CMTM8: variants seen among roughly 807,000 people sequenced by gnomAD.
CMTM8 encodes CKLF like MARVEL transmembrane domain containing 8.
Under a neutral mutation model 18.6 loss-of-function variants are expected in CMTM8, and 12 were observed. The ratio of observed to expected loss-of-function variants is 0.65; its 90% CI spans 0.41 to 1.05. CMTM8 has a LOEUF of 1.05. CMTM8 is among the 50% of genes least tolerant of loss of function. CMTM8 has a pLI of 0.00. For synonymous variants in CMTM8, 87 were observed against 90.6 expected (o/e 0.96, Z 0.23); for missense variants, 217 against 227.2 (o/e 0.95, Z 0.29).
At chr3:32,312,550 C>T (rs1374210179) in intron 1 of CMTM8, among the ~76,000 whole-genome samples, 3 of 152,158 alleles carry the variant, frequency 2.0e-5, no homozygotes, top group African/African-American at 4.8e-5. Flanking sequence ...AGTTGGGGGT[C>T]ACCACCCTCC....
intron 1 of CMTM8, among the ~76,000 whole-genome samples, chr3:32,254,979 T>G (rs968831656): frequency 6.6e-6 from 1 of 152,234 alleles, no homozygotes; most frequent in Non-Finnish European, 1.5e-5. Context: ...TTTGCCTATT[T>G]TGGACATTTC....
intron 1 of CMTM8, among the ~76,000 whole-genome samples, chr3:32,316,270 G>A (rs905019364): frequency 9.2e-5 from 14 of 151,542 alleles, no homozygotes; most frequent in Non-Finnish European, 1.8e-4. Context: ...CTCGTGATCC[G>A]CCTGCCTCAG....
chr3:32,358,858 A>C lies in CMTM8; in HGVS notation c.321+1312A>C, dbSNP rs989670350. Among the ~76,000 whole-genome samples, 1 of 152,250 alleles carries C rather than the reference A, an allele frequency of 6.6e-6. No individual in the cohort carries two copies. The highest frequency in any genetic ancestry group is 2.4e-5 in the African/African-American group (1 of 41,468). On this transcript the variant is annotated intron_variant, in intron 2 of 3. Transcript: ENST00000307526. This position sits in a 1 kb window ranked among gnomAD's most constrained non-coding sequence, Gnocchi z 4.1. ...TGCCTCAGATGGGCATCAGGAGGGA[A>C]AGACTCGCTTAGATGCTAGATTCAA...
At chr3:32,325,444 C>T (rs995575256) in intron 1 of CMTM8, among the ~76,000 whole-genome samples, 6 of 152,174 alleles carry the variant, frequency 3.9e-5, no homozygotes, top group African/African-American at 1.4e-4. Context: ...GAGGGGACCT[C>T]TCTTTTTTTA....
intron 1 of CMTM8, among the ~76,000 whole-genome samples, chr3:32,347,328 A>G (rs1415298619): frequency 9.3e-6 from 1 of 107,488 alleles, no homozygotes; most frequent in Non-Finnish European, 1.9e-5. Flanking sequence ...TTCTCTCTTT[A>G]TAGACACTCT....
At chr3:32,364,858 C>A (rs3844588) in intron 2 of CMTM8, among the ~76,000 whole-genome samples, 95,973 of 152,086 alleles carry the variant, frequency 0.63, 30,831 homozygotes, top group African/African-American at 0.76. Context: ...AGCCTTGGCC[C>A]CTCTGCCACT....
At chr3:32,268,821 T>C (rs982800144) in intron 1 of CMTM8, among the ~76,000 whole-genome samples, 2 of 152,162 alleles carry the variant, frequency 1.3e-5, no homozygotes, top group African/African-American at 4.8e-5. Flanking sequence ...ATGACCTGTG[T>C]TGGAAAACAT....
intron 1 of CMTM8, 126 bp from the exon 2 acceptor site, chr3:32,357,247 A>G (rs1157014233): frequency 1.3e-6 from 1 of 790,342 alleles, no homozygotes; most frequent in African/African-American, 1.8e-5. Context: ...TCCATCTCAA[A>G]TAAATAAATA....
chr3:32,305,010 C>A (rs971774728), intron 1 of CMTM8, among the ~76,000 whole-genome samples: 1 of 152,212 alleles, frequency 6.6e-6, no homozygotes, highest in African/African-American at 2.4e-5. Flanking sequence ...TGAGAACCAT[C>A]TCTTTAAGAC....
chr3:32,286,883 G>T (rs571141786), intron 1 of CMTM8, among the ~76,000 whole-genome samples: 100 of 152,370 alleles, frequency 6.6e-4, no homozygotes, highest in Admixed American at 1.0e-3. Context: ...GGACAAGCTT[G>T]CTGTAGCGTG....
chr3:32,369,280 C>CT (rs1295499085), intron 3 of CMTM8, among the ~76,000 whole-genome samples: 9 of 152,160 alleles, frequency 5.9e-5, no homozygotes, highest in African/African-American at 1.9e-4. Flanking sequence ...CGCCATTGCA[C>CT]TCCAGCTTGG....
At chr3:32,348,240 A>G (rs549585482) in intron 1 of CMTM8, among the ~76,000 whole-genome samples, 20 of 152,110 alleles carry the variant, frequency 1.3e-4, no homozygotes, top group Admixed American at 2.0e-4. Flanking sequence ...CTAACATTCT[A>G]TTTACTTTTA....
intron 1 of CMTM8, among the ~76,000 whole-genome samples, chr3:32,256,756 G>A (rs1702178302): frequency 6.6e-6 from 1 of 152,194 alleles, no homozygotes; most frequent in South Asian, 2.1e-4. Context: ...GGAGGACTTA[G>A]GGAGACAAAG....
chr3:32,349,672 C>T (rs958694621), intron 1 of CMTM8, among the ~76,000 whole-genome samples: 4 of 152,094 alleles, frequency 2.6e-5, no homozygotes, highest in East Asian at 1.9e-4. Context: ...CTATACACAT[C>T]CTACAGTGTA....
At chr3:32,332,015 G>A (rs1209604020) in intron 1 of CMTM8, among the ~76,000 whole-genome samples, 3 of 150,848 alleles carry the variant, frequency 2.0e-5, no homozygotes, top group Non-Finnish European at 3.0e-5. Flanking sequence ...GGTATTAAAT[G>A]TTACGTTCTT....
At chr3:32,254,117 C>G (rs541819976) in intron 1 of CMTM8, among the ~76,000 whole-genome samples, 1 of 152,336 alleles carries the variant, frequency 6.6e-6, no homozygotes, top group South Asian at 2.1e-4. Flanking sequence ...TGGTCTCAAA[C>G]TCCTGACCTC....
chr3:32,349,253 G>A (rs990381787), intron 1 of CMTM8, among the ~76,000 whole-genome samples: 21 of 152,068 alleles, frequency 1.4e-4, no homozygotes, highest in South Asian at 2.1e-4. Flanking sequence ...ATGTGGATGG[G>A]GCTTATGAAC....
In CMTM8 at chr3:32,313,374, G is replaced by T. The variant is rs186346034; in HGVS notation, c.148-43999G>T. Among the ~76,000 whole-genome samples, 5 of 152,226 alleles carry T rather than the reference G, an allele frequency of 3.3e-5. No homozygotes were observed. In the East Asian group the frequency reaches 9.7e-4, roughly 29 times the overall value. On this transcript the variant is annotated intron_variant, in intron 1 of 3. Transcript: ENST00000307526. ...TTTCGTATTCCTGTGTAGTGAGCTG[G>T]GATTCAGTCAGTGAGGTGGAGAGCC...
chr3:32,343,395 A>C (rs903743861), intron 1 of CMTM8, among the ~76,000 whole-genome samples: 5 of 152,126 alleles, frequency 3.3e-5, no homozygotes, highest in African/African-American at 9.7e-5. Context: ...TCCACCTGCA[A>C]AGTCTTCATG....
Sources: allele counts gnomAD v4.1 joint callset (sites outside exome capture counted in the v4.1 genomes callset), GRCh38; gene constraint gnomAD v4.1.1; non-coding constraint Gnocchi (gnomAD v3.1); transcripts MANE v1.5; gene names NCBI Gene and HGNC (gene_info 2026-07-23, HGNC 2026-07-21).